The following ABCA3 variants were observed in gnomAD, a reference collection of about 807,000 sequenced individuals.
ABCA3 encodes the protein phospholipid-transporting ATPase ABCA3.
Under a neutral mutation model 172.8 loss-of-function variants are expected in ABCA3, and 88 were observed. The observed-to-expected ratio is 0.51, with a 90% CI of 0.43 to 0.61. The LOEUF is 0.61. ABCA3 is among the 20% of genes least tolerant of loss of function. The pLI is 0.00. For missense variants in ABCA3, 2,164 were observed against 2,301.0 expected (o/e 0.94, Z 1.22); for synonymous variants, 1,066 against 983.8 (o/e 1.08, Z -1.56).
intron 6 of ABCA3, 81 bp from the exon 7 acceptor site, chr16:2,323,769 TG>T (rs2093729834): frequency 1.3e-6 from 2 of 1,535,050 alleles, no homozygotes; most frequent in South Asian, 1.1e-5. Context: ...GGAGAGCGCT[TG>T]GGGGGCTGTC....
In ABCA3 at chr16:2,279,035, G is replaced by A. The variant is rs2141688792; in HGVS notation, c.4455C>T (p.Gly1485=). The change falls in exon 29 of 33, where the codon GGC becomes GGT. Residue 1485 remains glycine, a synonymous_variant. Transcript: ENST00000301732. This position sits in a 1 kb window ranked among gnomAD's most constrained non-coding sequence, Gnocchi z 4.4. ...EMLVMYARLR[G]IPERHIGACV... ...AGGCCCCGATGTGGCGCTCAGGGAT[G>A]CCCCGGAGCCGAGCGTACATGACCA... 1.2e-6 allele frequency: 2 copies of A among 1,613,484 alleles called. No individual in the cohort carries two copies. Among genetic ancestry groups the A allele is most frequent in the Non-Finnish European group, 1.7e-6 (2 of 1,180,048 alleles).
At chr16:2,299,669 G>A (rs1405193365) in intron 13 of ABCA3, 137 bp from the exon 14 acceptor site, 15 of 1,384,334 alleles carry the variant, frequency 1.1e-5, no homozygotes, top group African/African-American at 4.3e-5. Flanking sequence ...GGGGAGGGAC[G>A]TTTCGGGCAG....
chr16:2,317,202 G>A (rs983033323), intron 10 of ABCA3, 81 bp downstream of exon 10: 26 of 1,595,130 alleles, frequency 1.6e-5, no homozygotes, highest in African/African-American at 9.4e-5. Context: ...TCTCCCTTCC[G>A]ATCACAGCCT....
At position 2,281,575 on chromosome 16, in the gene ABCA3, AGGGGC is replaced by A; in HGVS notation, c.4036-71_4036-67del. 3.3e-6 allele frequency: 1 copy of A among 302,930 alleles called. No individual in the cohort carries two copies. Among genetic ancestry groups the A allele is most frequent in the Non-Finnish European group, 6.4e-6 (1 of 156,598 alleles). The allele number at this position is 302,930 out of a possible 1,614,324, so 18.8% of individuals were successfully genotyped here. On this transcript the variant is annotated intron_variant, in intron 26 of 32. Transcript: ENST00000301732. This position sits in a 1 kb window ranked among gnomAD's most constrained non-coding sequence, Gnocchi z 4.7. ...GCAGGGCGGCTTCCGTGGAGAAGGG[AGGGGC>A]GGGGGTGGATGTGGGAGGTCTGGTG... is the stretch of plus-strand genomic sequence containing the variant.
chr16:2,289,411 C>CCCCCCCCCCCCAGG, intron 20 of ABCA3, 23 bp downstream of exon 20: 2 of 1,561,796 alleles, frequency 1.3e-6, no homozygotes, highest in Non-Finnish European at 8.6e-7. Flanking sequence ...CCCCGCCACC[C>CCCCCCCCCCCCAGG]GCCCACCCAC....
rs756390899 is a variant in ABCA3, at chr16:2,297,750, A to G, written c.2052+16T>C. ...AGCAGGAGGGGAACCCACTGCCTCC[A>G]GTCCCACCGCCACACCTTGGAGCCT... On this transcript the variant is annotated intron_variant, in intron 16 of 32. Transcript: ENST00000301732. The surrounding 1 kb of genome is among the most constrained non-coding windows in gnomAD (Gnocchi z 5.6). 2 of 1,609,166 alleles carry G rather than the reference A, an allele frequency of 1.2e-6. No individual in the cohort carries two copies. The highest frequency in any genetic ancestry group is 4.5e-5 in the East Asian group (2 of 44,824).
In ABCA3 at chr16:2,278,390, T is replaced by C; in HGVS notation, c.4616A>G (p.Asp1539Gly). Reference protein sequence around the residue: ...LIGEPAVIFLDEPSTGMDPVA... With the variant: ...LIGEPAVIFLGEPSTGMDPVA... ...GGGGTCCATGCCAGTGGACGGCTCG[T>C]CCAGGAAGATGACAGCAGGCTCTCC... Residue 1539 changes from aspartate to glycine, a missense_variant, in exon 30 of 33, where the codon GAC (aspartate) becomes GGC (glycine). By Grantham distance (94) the Asp-to-Gly change is moderately conservative. Coordinates refer to ENST00000301732, the MANE Select transcript of ABCA3 (RefSeq NM_001089.3). The surrounding 1 kb of genome is among the most constrained non-coding windows in gnomAD (Gnocchi z 4.4). The C allele has an allele frequency of 6.2e-7, 1 of 1,612,648 alleles. No individual in the cohort carries two copies. Among genetic ancestry groups the C allele is most frequent in the Non-Finnish European group, 8.5e-7 (1 of 1,179,984 alleles).
rs2093686212 is a variant in ABCA3 at position 2,299,897 on chromosome 16, A to AGGCTCAGAGGGAGCGC, written c.1611+92_1611+107dup. ...CCCTCCTTCAGGGCAGGAGGGAGCA[A>AGGCTCAGAGGGAGCGC]GGCTCAGAGGGAGCGCCTGACGGGC... On this transcript the variant is annotated intron_variant, in intron 13 of 32. Coordinates refer to ENST00000301732, the MANE Select transcript of ABCA3 (RefSeq NM_001089.3). 69 of 1,518,582 alleles carry AGGCTCAGAGGGAGCGC rather than the reference A, an allele frequency of 4.5e-5. No individual in the cohort carries two copies. The East Asian group carries it at 1.5e-3, about 33-fold the overall frequency. The allele number at this position is 1,518,582 out of a possible 1,614,324, so 94.1% of individuals were successfully genotyped here.
chr16:2,277,725 G>A lies in ABCA3; in HGVS notation c.4910-55C>T. On this transcript the variant is annotated intron_variant, in intron 31 of 32. Coordinates refer to ENST00000301732, the MANE Select transcript of ABCA3 (RefSeq NM_001089.3). The surrounding 1 kb of genome is among the most constrained non-coding windows in gnomAD (Gnocchi z 5.3). ...AGCGCCGGGCTGGAGGATCGGGGAG[G>A]GTGCCTGGGTGCTCAGCACTGGAGT... 1 of 1,606,776 alleles carries A rather than the reference G, an allele frequency of 6.2e-7. No homozygotes were observed. The highest frequency in any genetic ancestry group is 8.5e-7 in the Non-Finnish European group (1 of 1,176,090).
At chr16:2,304,473 G>A (rs1168641658) in intron 11 of ABCA3, among the ~76,000 whole-genome samples, 2 of 150,390 alleles carry the variant, frequency 1.3e-5, no homozygotes, top group East Asian at 1.9e-4. Context: ...TAAGGCCAAC[G>A]TGGGTCAATG....
Position 2,281,521 on chromosome 16 carries a change from G to C in ABCA3, c.4036-12C>G, listed in dbSNP as rs1346097535. 8 of 1,606,848 alleles carry C rather than the reference G, an allele frequency of 5.0e-6. No homozygotes were observed. Among genetic ancestry groups the C allele is most frequent in the African/African-American group, 1.3e-5 (1 of 74,532 alleles). The stretch of plus-strand genomic sequence containing the variant: ...GTGTATAATTCTGTCTGATTGACCA[G>C]GACAAAGACCGCATGCGTGAACCCA... On this transcript the variant is annotated splice_polypyrimidine_tract_variant and intron_variant, in intron 26 of 32. Coordinates refer to ENST00000301732, the MANE Select transcript of ABCA3 (RefSeq NM_001089.3). This position sits in a 1 kb window ranked among gnomAD's most constrained non-coding sequence, Gnocchi z 4.7.
At position 2,285,165 on chromosome 16, in the gene ABCA3, C is replaced by A. The variant is rs1006168328; in HGVS notation, c.3484-167G>T. Among the ~76,000 whole-genome samples the A allele has an allele frequency of 1.3e-5, 2 of 152,220 alleles. No individual in the cohort carries two copies. The highest frequency in any genetic ancestry group is 2.9e-5 in the Non-Finnish European group (2 of 68,040). On this transcript the variant is annotated intron_variant, in intron 23 of 32. Coordinates refer to ENST00000301732, the MANE Select transcript of ABCA3 (RefSeq NM_001089.3). The surrounding 1 kb of genome is among the most constrained non-coding windows in gnomAD (Gnocchi z 4.7). ...CTGGCCCCCGCGGTGGCTTTCAGCC[C>A]CAGGACCCTCTCTGTCCCAGTTTCC...
chr16:2,319,237 G>C (rs1028424087), intron 8 of ABCA3, among the ~76,000 whole-genome samples: 1 of 151,996 alleles, frequency 6.6e-6, no homozygotes, highest in Non-Finnish European at 1.5e-5. Context: ...TGTAATCCCA[G>C]CACTTCTGGA....
chr16:2,304,909 T>C (rs543073607), intron 11 of ABCA3, among the ~76,000 whole-genome samples: 2 of 152,060 alleles, frequency 1.3e-5, no homozygotes, highest in Admixed American at 6.6e-5. Context: ...TCTCCTGACC[T>C]TGTGATTCGC....
intron 1 of ABCA3, among the ~76,000 whole-genome samples, chr16:2,331,714 C>T (rs777423461): frequency 2.0e-5 from 3 of 152,362 alleles, no homozygotes; most frequent in Non-Finnish European, 2.9e-5. Context: ...CTGCACTTGA[C>T]GCCGAGGCGG....
chr16:2,306,963 C>A (rs1391338769), intron 11 of ABCA3, among the ~76,000 whole-genome samples: 2 of 139,876 alleles, frequency 1.4e-5, no homozygotes, highest in Non-Finnish European at 3.0e-5. Context: ...TGCAGTGAGC[C>A]GAGATTGCGC....
intron 1 of ABCA3, chr16:2,332,250 G>A: frequency 5.0e-6 from 2 of 398,052 alleles, no homozygotes. Flanking sequence ...TTTTTTCCTT[G>A]AAACTTTAAA....
chr16:2,314,796 G>A (rs1236490333), intron 10 of ABCA3, among the ~76,000 whole-genome samples: 7 of 150,794 alleles, frequency 4.6e-5, no homozygotes, highest in South Asian at 2.1e-4. Flanking sequence ...GGCTGGTTTC[G>A]AACTCCCGAC....
intron 6 of ABCA3, among the ~76,000 whole-genome samples, chr16:2,324,166 G>A (rs1014158566): frequency 6.6e-5 from 10 of 152,146 alleles, no homozygotes; most frequent in Non-Finnish European, 1.0e-4. Context: ...AGCTTGGGGC[G>A]GCCACAGGCA....
Sources: allele counts gnomAD v4.1 joint callset (sites outside exome capture counted in the v4.1 genomes callset), GRCh38; gene constraint gnomAD v4.1.1; non-coding constraint Gnocchi (gnomAD v3.1); transcripts MANE v1.5; gene names NCBI Gene and HGNC (gene_info 2026-07-23, HGNC 2026-07-21).